PDE1C: variants seen among roughly 807,000 people sequenced by gnomAD.
The protein encoded by PDE1C is dual specificity calcium/calmodulin-dependent 3',5'-cyclic nucleotide phosphodiesterase 1C.
A neutral mutation model predicts 93.1 loss-of-function variants in PDE1C; 62 were observed. That is an observed-to-expected ratio of 0.67 (90% confidence interval 0.54 to 0.82). The LOEUF (loss-of-function observed/expected upper bound fraction) is 0.82. PDE1C is among the 40% of genes least tolerant of loss of function. PDE1C has a pLI of 0.00. For synonymous variants in PDE1C, 325 were observed against 310.1 expected, an observed-to-expected ratio of 1.05 and a Z score of -0.50; for missense variants, 742 against 884.6, an observed-to-expected ratio of 0.84 and a Z score of 2.04.
chr7:31,647,673 C>CA, the PDE1C span, among the ~76,000 whole-genome samples: 669 of 69,292 alleles, frequency 9.7e-3, 13 homozygotes, highest in Non-Finnish European at 0.013. Flanking sequence ...GTCTCCGTCT[C>CA]AAAAAAAAAA....
chr7:31,672,418 C>A, the PDE1C span, among the ~76,000 whole-genome samples: 1 of 152,240 alleles, frequency 6.6e-6, no homozygotes, highest in East Asian at 1.9e-4. Flanking sequence ...GAAAACTTCA[C>A]CAACAACAAC....
chr7:32,262,042 C>G (rs1025711772), intron 1 of PDE1C, among the ~76,000 whole-genome samples: 5 of 116,200 alleles, frequency 4.3e-5, no homozygotes, highest in African/African-American at 1.7e-4. Flanking sequence ...AATGTGACAT[C>G]TAGTGGCTGG....
At chr7:32,118,756 A>C (rs1000904717) in intron 3 of PDE1C, among the ~76,000 whole-genome samples, 1 of 152,216 alleles carries the variant, frequency 6.6e-6, no homozygotes, top group African/African-American at 2.4e-5. Context: ...CAGAGTCTTC[A>C]TGACTTAATC....
At chr7:31,780,676 A>G (rs1783336473) in intron 16 of PDE1C, among the ~76,000 whole-genome samples, 1 of 152,252 alleles carries the variant, frequency 6.6e-6, no homozygotes, top group African/African-American at 2.4e-5. Flanking sequence ...AATAATTGCG[A>G]GCATCAAGTA....
At chr7:31,730,986 G>A in the PDE1C span, among the ~76,000 whole-genome samples, 18 of 152,074 alleles carry the variant, frequency 1.2e-4, no homozygotes, top group Non-Finnish European at 1.8e-4. Flanking sequence ...CACAAGGAGA[G>A]AAGGAGAGTC....
intron 1 of PDE1C, among the ~76,000 whole-genome samples, chr7:32,297,673 C>A (rs1387952123): frequency 6.6e-6 from 1 of 152,136 alleles, no homozygotes. Flanking sequence ...CCCAAAACCC[C>A]CTCTGGTCCC....
At chr7:32,017,848 G>C (rs777144306) in intron 2 of PDE1C, among the ~76,000 whole-genome samples, 3 of 152,132 alleles carry the variant, frequency 2.0e-5, no homozygotes, top group Non-Finnish European at 4.4e-5. Context: ...GGAGGCTGAG[G>C]ATGGTGGATT....
chr7:32,389,138 C>T (rs1784698301), intron 1 of PDE1C, among the ~76,000 whole-genome samples: 1 of 141,764 alleles, frequency 7.1e-6, no homozygotes, highest in African/African-American at 2.7e-5. Context: ...AGTGGAACAA[C>T]CTTTAAACTG....
chr7:31,690,758 T>C, the PDE1C span, among the ~76,000 whole-genome samples: 2 of 152,206 alleles, frequency 1.3e-5, no homozygotes, highest in Non-Finnish European at 2.9e-5. Context: ...AGATAGGACC[T>C]TCAGTAGATA....
the PDE1C span, among the ~76,000 whole-genome samples, chr7:31,698,334 C>G: frequency 6.6e-6 from 1 of 152,182 alleles, no homozygotes; most frequent in Non-Finnish European, 1.5e-5. Flanking sequence ...GCACTTCTGT[C>G]CTTGTTCCTC....
At chr7:32,349,317 G>A (rs535319092) in intron 1 of PDE1C, among the ~76,000 whole-genome samples, 1 of 152,318 alleles carries the variant, frequency 6.6e-6, no homozygotes, top group South Asian at 2.1e-4. Context: ...AGGACCTCAG[G>A]CCAGTGGGGC....
intron 14 of PDE1C, among the ~76,000 whole-genome samples, chr7:31,818,188 AG>A (rs1788503736): frequency 6.6e-6 from 1 of 152,222 alleles, no homozygotes; most frequent in Admixed American, 6.5e-5. Context: ...TGAAAAGGTG[AG>A]GAAAGATTTC....
chr7:32,106,500 T>C (rs1024366017), intron 3 of PDE1C, among the ~76,000 whole-genome samples: 3 of 152,052 alleles, frequency 2.0e-5, no homozygotes, highest in Non-Finnish European at 2.9e-5. Flanking sequence ...AGAGATTTTT[T>C]AAGGAAATGG....
chr7:32,025,421 A>G (rs1290026970), intron 2 of PDE1C, among the ~76,000 whole-genome samples: 1 of 152,040 alleles, frequency 6.6e-6, no homozygotes, highest in African/African-American at 2.4e-5. Flanking sequence ...TGCAGACTAT[A>G]ATTAGGAGCA....
chr7:32,314,057 A>AAAAT (rs1420478846), intron 1 of PDE1C, among the ~76,000 whole-genome samples: 1 of 151,926 alleles, frequency 6.6e-6, no homozygotes, highest in South Asian at 2.1e-4. Context: ...AGAAATGAAA[A>AAAAT]AAATAAATAA....
intron 16 of PDE1C, among the ~76,000 whole-genome samples, chr7:31,777,419 C>G (rs1783082837): frequency 6.6e-6 from 1 of 152,120 alleles, no homozygotes; most frequent in South Asian, 2.1e-4. Context: ...AGCTCCGTCT[C>G]CCGGGTTCAA....
chr7:32,060,602 T>G (rs1167230565), intron 1 of PDE1C, among the ~76,000 whole-genome samples: 1 of 152,236 alleles, frequency 6.6e-6, no homozygotes, highest in East Asian at 1.9e-4. Context: ...TGAGCTCTTC[T>G]GTCAACTGAA....
chr7:32,133,618 G>T (rs1584825861), intron 3 of PDE1C, among the ~76,000 whole-genome samples: 2 of 152,184 alleles, frequency 1.3e-5, no homozygotes, highest in East Asian at 3.9e-4. Flanking sequence ...AAATCTGAGT[G>T]ACCACCCACC....
intron 2 of PDE1C, among the ~76,000 whole-genome samples, chr7:31,977,032 T>C (rs1811758010): frequency 6.6e-6 from 1 of 152,204 alleles, no homozygotes; most frequent in Admixed American, 6.5e-5. Context: ...AAGCTGTGTT[T>C]TAACAAGCCT....
Sources: gnomAD v4.1 joint callset for allele counts (sites outside exome capture counted in the v4.1 genomes callset) on GRCh38, gnomAD v4.1.1 for gene constraint, MANE v1.5 for transcripts, NCBI Gene and HGNC (gene_info 2026-07-23, HGNC 2026-07-21) for gene names.